NMT1: variants seen among roughly 807,000 people sequenced by gnomAD.
The protein encoded by NMT1 is N-myristoyltransferase 1.
A neutral mutation model predicts 63.4 loss-of-function variants in NMT1; 12 were observed. That is an observed-to-expected ratio of 0.19 (90% CI 0.12 to 0.31). The LOEUF (loss-of-function observed/expected upper bound fraction) is 0.31. NMT1 is among the 10% of genes least tolerant of loss of function. The probability of loss-of-function intolerance (pLI) is 1.00; values close to 1 mark genes in which losing one functional copy is unlikely to be tolerated. For synonymous variants in NMT1, 228 were observed against 234.3 expected, an observed-to-expected ratio of 0.97 and a Z score of 0.25; for missense variants, 432 against 634.6, an observed-to-expected ratio of 0.68 and a Z score of 3.43.
intron 3 of NMT1, among the ~76,000 whole-genome samples, chr17:45,091,833 C>G (rs1467958676): frequency 6.6e-6 from 1 of 152,136 alleles, no homozygotes; most frequent in African/African-American, 2.4e-5. Flanking sequence ...TGAGACCAGC[C>G]TGGGCAACAG....
intron 3 of NMT1, among the ~76,000 whole-genome samples, chr17:45,090,806 A>G (rs1431109472): frequency 6.6e-6 from 1 of 151,970 alleles, no homozygotes; most frequent in African/African-American, 2.4e-5. Context: ...ATCCTTAGTC[A>G]TTTATTGGTT....
chr17:45,095,743 G>A (rs1388017183), intron 4 of NMT1, among the ~76,000 whole-genome samples: 2 of 152,160 alleles, frequency 1.3e-5, no homozygotes, highest in African/African-American at 4.8e-5. Context: ...GTGCACTCCA[G>A]CCTGGGTAAC....
In NMT1 at chr17:45,108,968, T is replaced by C. The variant is rs1458224860; in HGVS notation, c.*3329T>C. ...GGAAATACCAAATGCATTGTTGTTC[T>C]GCTCAATACATCTCACTTGTTTCTA... On this transcript the variant is annotated 3_prime_UTR_variant, in exon 12 of 12. Coordinates refer to ENST00000258960, the MANE Select transcript of NMT1 (RefSeq NM_021079.5). The C allele has an allele frequency of 6.5e-6, 1 of 152,700 alleles. No individual in the cohort carries two copies. The highest frequency in any genetic ancestry group is 1.5e-5 in the Non-Finnish European group (1 of 68,044). 9.5% of individuals were successfully genotyped at this position (152,700 alleles called of 1,614,324 possible). A position where few individuals can be genotyped will look rare whatever the true frequency, so the allele number is the denominator to read the frequency against.
chr17:45,079,504 A>G (rs894713873), intron 1 of NMT1, among the ~76,000 whole-genome samples: 7 of 152,296 alleles, frequency 4.6e-5, no homozygotes, highest in Non-Finnish European at 1.0e-4. Flanking sequence ...CAAACCTAGA[A>G]TTTGAGACCA....
intron 3 of NMT1, among the ~76,000 whole-genome samples, chr17:45,091,096 C>T (rs965762623): frequency 4.6e-5 from 7 of 152,044 alleles, no homozygotes; most frequent in African/African-American, 1.7e-4. Flanking sequence ...TTCACACCCA[C>T]CCTGCCCCAC....
rs113523588 is a variant in NMT1 at position 45,070,567 on chromosome 17, G to T, written c.131+9107G>T. On this transcript the variant is annotated intron_variant, in intron 1 of 11. Coordinates refer to ENST00000258960, the MANE Select transcript of NMT1 (RefSeq NM_021079.5). ...TGGGTAGCTGGGACTGTAGTCGCCC[G>T]TCACCACGCCCGGCTAATTTTTTGT... is the stretch of plus-strand genomic sequence containing the variant. 1.6e-3 allele frequency among the ~76,000 whole-genome samples: 250 copies of T among 152,228 alleles called. 1 individual carries two copies. Among genetic ancestry groups the T allele is most frequent in the African/African-American group, 5.7e-3 (236 of 41,524 alleles).
At chr17:45,077,899 G>C (rs1437152885) in intron 1 of NMT1, among the ~76,000 whole-genome samples, 1 of 152,120 alleles carries the variant, frequency 6.6e-6, no homozygotes, top group Admixed American at 6.6e-5. Context: ...GGGTTTTGCT[G>C]AGCATCTGGT....
chr17:45,068,807 C>A (rs192506489), intron 1 of NMT1, among the ~76,000 whole-genome samples: 2 of 151,784 alleles, frequency 1.3e-5, no homozygotes, highest in African/African-American at 4.8e-5. Context: ...CCACCATTCC[C>A]GGCTAATTTC....
chr17:45,102,429 C>T (rs1567872481), intron 8 of NMT1, among the ~76,000 whole-genome samples: 1 of 152,182 alleles, frequency 6.6e-6, no homozygotes, highest in Non-Finnish European at 1.5e-5. Flanking sequence ...AACCCACAGC[C>T]GTGTCTCTCT....
chr17:45,066,864 C>A (rs1215263884), intron 1 of NMT1, among the ~76,000 whole-genome samples: 1 of 152,038 alleles, frequency 6.6e-6, no homozygotes, highest in East Asian at 1.9e-4. Context: ...AGACATGCAC[C>A]ATCATCCCTG....
intron 1 of NMT1, among the ~76,000 whole-genome samples, chr17:45,079,204 A>G (rs1280510429): frequency 1.3e-5 from 2 of 151,612 alleles, no homozygotes; most frequent in Non-Finnish European, 2.9e-5. Context: ...TCCCGGGTTC[A>G]AGCAGTTCTC....
chr17:45,078,484 C>CTG (rs1278128199), intron 1 of NMT1, among the ~76,000 whole-genome samples: 3 of 151,736 alleles, frequency 2.0e-5, no homozygotes, highest in African/African-American at 7.3e-5. Flanking sequence ...CACTTTCTCC[C>CTG]TGTATATATA....
At chr17:45,084,909 C>CATGAAG (rs2054042366) in intron 2 of NMT1, among the ~76,000 whole-genome samples, 1 of 152,144 alleles carries the variant, frequency 6.6e-6, no homozygotes, top group Non-Finnish European at 1.5e-5. Flanking sequence ...AGGCCTCTTT[C>CATGAAG]TTAACTTCAT....
In NMT1 at chr17:45,098,561, G is replaced by C; in HGVS notation, c.884+9G>C. ...CCCGTTGGCACCTGCAGGTAAAACT[G>C]TCTTCCTGTAAGGCCCCAAAAATGC... On this transcript the variant is annotated intron_variant, in intron 7 of 11. Transcript: ENST00000258960. 2 of 1,612,834 alleles carry C rather than the reference G, an allele frequency of 1.2e-6. No individual in the cohort carries two copies. Among genetic ancestry groups the C allele is most frequent in the East Asian group, 2.2e-5 (1 of 44,866 alleles).
rs2054216399 is a variant in NMT1 at position 45,108,233 on chromosome 17, C to G, written c.*2594C>G. 1 of 152,408 alleles carries G rather than the reference C, an allele frequency of 6.6e-6. No individual in the cohort carries two copies. Among genetic ancestry groups the G allele is most frequent in the Non-Finnish European group, 1.5e-5 (1 of 68,152 alleles). 9.4% of individuals were successfully genotyped at this position (152,408 alleles called of 1,614,324 possible). On this transcript the variant is annotated 3_prime_UTR_variant, in exon 12 of 12. Coordinates refer to ENST00000258960, the MANE Select transcript of NMT1 (RefSeq NM_021079.5). ...ATGTTTCAAAGACGACCTTTACCTC[C>G]TGCCTTTGGATTGACTCTGCATTTG...
chr17:45,104,712 G>C lies in NMT1; in HGVS notation c.1333-147G>C, dbSNP rs567090409. 6.8e-7 allele frequency: 1 copy of C among 1,469,412 alleles called. No homozygotes were observed. The highest frequency in any genetic ancestry group is 2.5e-5 in the Admixed American group (1 of 40,582). The allele number at this position is 1,469,412 out of a possible 1,614,324, so 91.0% of individuals were successfully genotyped here. ...GTCCTGAGAACCACCCGGAGAGCGG[G>C]GATTAACGTGGAAGCAGCGGAGCTT... On this transcript the variant is annotated intron_variant, in intron 10 of 11. Transcript: ENST00000258960. This position sits in a 1 kb window ranked among gnomAD's most constrained non-coding sequence, Gnocchi z 4.2.
At chr17:45,085,650 A>G (rs530130778) in intron 2 of NMT1, among the ~76,000 whole-genome samples, 2 of 152,242 alleles carry the variant, frequency 1.3e-5, no homozygotes, top group African/African-American at 4.8e-5. Flanking sequence ...TACATTGAGC[A>G]TGTATTACTT....
chr17:45,077,832 A>G (rs1347425406), intron 1 of NMT1, among the ~76,000 whole-genome samples: 1 of 152,076 alleles, frequency 6.6e-6, no homozygotes, highest in African/African-American at 2.4e-5. Flanking sequence ...TAAGAAGAAG[A>G]AGTTATCTTT....
rs1338651806 is a variant in NMT1, at chr17:45,086,603, T to C, written c.336T>C (p.Ala112=). The change falls in exon 3 of 12, where the codon GCT becomes GCC. Residue 112 remains alanine, a synonymous_variant. Coordinates refer to ENST00000258960, the MANE Select transcript of NMT1 (RefSeq NM_021079.5). ...GQGPAKTMEE[A]SKRSYQFWDT... is the part of the protein sequence containing the mutation. ...GACCTGCCAAAACCATGGAGGAGGCTAGCAAGCGAAGCTACCAGTTCTGGG... is the reference window on the plus strand; with the variant it reads ...GACCTGCCAAAACCATGGAGGAGGCCAGCAAGCGAAGCTACCAGTTCTGGG... 1 of 1,613,660 alleles carries C rather than the reference T, an allele frequency of 6.2e-7. No homozygotes were observed. The highest frequency in any genetic ancestry group is 1.7e-5 in the Admixed American group (1 of 59,948).
Sources: gnomAD v4.1 joint callset for allele counts (sites outside exome capture counted in the v4.1 genomes callset) on GRCh38, gnomAD v4.1.1 for gene constraint, Gnocchi (gnomAD v3.1) non-coding constraint, MANE v1.5 for transcripts, NCBI Gene and HGNC (gene_info 2026-07-23, HGNC 2026-07-21) for gene names.